CSGALNACT1: variants seen among roughly 807,000 people sequenced by gnomAD.
CSGALNACT1 encodes beta4GalNAcT-1.
In CSGALNACT1, 52 loss-of-function variants were observed where a neutral mutation model predicts 51.0. The observed-to-expected ratio is 1.02, with a 90% CI of 0.82 to 1.29. The LOEUF (loss-of-function observed/expected upper bound fraction) is 1.29. CSGALNACT1 is among the 50% of genes most tolerant of loss of function. The pLI, the probability that CSGALNACT1 is intolerant of heterozygous loss-of-function variation, is 0.00. For missense variants in CSGALNACT1, 935 were observed against 679.2 expected (o/e 1.38, Z -4.19); for synonymous variants, 341 against 254.4 (o/e 1.34, Z -3.24).
chr8:19,484,949 T>C (rs923379999), intron 4 of CSGALNACT1, among the ~76,000 whole-genome samples: 1 of 152,078 alleles, frequency 6.6e-6, no homozygotes, highest in Non-Finnish European at 1.5e-5. Flanking sequence ...GGGGTGGTCC[T>C]ATGCAAGCCA....
intron 5 of CSGALNACT1, among the ~76,000 whole-genome samples, chr8:19,456,663 C>T (rs1051127979): frequency 2.0e-5 from 3 of 152,174 alleles, no homozygotes; most frequent in African/African-American, 7.2e-5. Flanking sequence ...CACTTCAGGA[C>T]TGGAGCCAGA....
chr8:19,487,308 G>A (rs193006438), intron 4 of CSGALNACT1, among the ~76,000 whole-genome samples: 165 of 152,130 alleles, frequency 1.1e-3, no homozygotes, highest in African/African-American at 3.9e-3. Context: ...CAACAGCAGC[G>A]ATGGTGTCTG....
At chr8:19,741,364 A>ACCAGC (rs2064301812) in intron 1 of CSGALNACT1, among the ~76,000 whole-genome samples, 1 of 152,092 alleles carries the variant, frequency 6.6e-6, no homozygotes, top group Non-Finnish European at 1.5e-5. Context: ...GGAGTTTGAG[A>ACCAGC]CCAGCCCAGC....
At chr8:19,434,305 A>G (rs957655969) in intron 6 of CSGALNACT1, among the ~76,000 whole-genome samples, 1 of 152,092 alleles carries the variant, frequency 6.6e-6, no homozygotes, top group African/African-American at 2.4e-5. Context: ...CCACATTTTT[A>G]TTTGGAGAAA....
chr8:19,486,046 G>A (rs747073169), intron 4 of CSGALNACT1, among the ~76,000 whole-genome samples: 3 of 151,428 alleles, frequency 2.0e-5, no homozygotes, highest in Non-Finnish European at 2.9e-5. Flanking sequence ...GATTACAGGC[G>A]TGAGCCACCG....
At chr8:19,729,836 A>G (rs998636620) in intron 1 of CSGALNACT1, among the ~76,000 whole-genome samples, 3 of 152,148 alleles carry the variant, frequency 2.0e-5, no homozygotes, top group Non-Finnish European at 4.4e-5. Context: ...GTTAGAAGGA[A>G]GAGCTGAACG....
At chr8:19,745,449 A>C (rs2064592429) in intron 1 of CSGALNACT1, among the ~76,000 whole-genome samples, 2 of 152,214 alleles carry the variant, frequency 1.3e-5, no homozygotes, top group Non-Finnish European at 2.9e-5. Flanking sequence ...CCAATTTTTC[A>C]CTTGTGCCCC....
At chr8:19,467,374 GC>G (rs909753686) in intron 4 of CSGALNACT1, among the ~76,000 whole-genome samples, 10 of 151,802 alleles carry the variant, frequency 6.6e-5, no homozygotes, top group African/African-American at 2.4e-4. Flanking sequence ...ACCTACCTCG[GC>G]CCCCCAAAGT....
At chr8:19,548,129 AT>A (rs2086930251) in intron 3 of CSGALNACT1, among the ~76,000 whole-genome samples, 1 of 152,260 alleles carries the variant, frequency 6.6e-6, no homozygotes, top group African/African-American at 2.4e-5. Flanking sequence ...AATTTGGATT[AT>A]ATTTCAGCCA....
chr8:19,665,791 T>G (rs562790931), intron 1 of CSGALNACT1, among the ~76,000 whole-genome samples: 2 of 152,220 alleles, frequency 1.3e-5, no homozygotes, highest in African/African-American at 4.8e-5. Flanking sequence ...TAATTACACC[T>G]GGGATAATGA....
rs1465897837 is a variant in CSGALNACT1 at position 19,662,419 on chromosome 8, A to G, written c.-544+20054T>C. 1.1e-4 allele frequency among the ~76,000 whole-genome samples: 16 copies of G among 152,132 alleles called. No homozygotes were observed. In the East Asian group the frequency reaches 2.5e-3, roughly 24 times the overall value. ...AAAAATATCTGAAATCCAGCAACCA[A>G]AACAATTACAACAAGGTTTTATGTT... On this transcript the variant is annotated intron_variant, in intron 1 of 9. Coordinates refer to the CSGALNACT1 transcript ENST00000332246.
At chr8:19,756,760 A>C (rs949684257) in intron 1 of CSGALNACT1, among the ~76,000 whole-genome samples, 1 of 152,130 alleles carries the variant, frequency 6.6e-6, no homozygotes, top group Non-Finnish European at 1.5e-5. Flanking sequence ...CCCAGCCACA[A>C]TAATACAATA....
intron 1 of CSGALNACT1, among the ~76,000 whole-genome samples, chr8:19,742,870 C>A (rs548028761): frequency 1.3e-4 from 20 of 152,346 alleles, no homozygotes; most frequent in African/African-American, 4.8e-4. Context: ...AGCCTAGCTC[C>A]TGTTCCACTT....
intron 1 of CSGALNACT1, among the ~76,000 whole-genome samples, chr8:19,633,185 C>T (rs1423283608): frequency 6.6e-6 from 1 of 152,020 alleles, no homozygotes; most frequent in Non-Finnish European, 1.5e-5. Context: ...TTATCCCTGC[C>T]GAATTAAGAG....
chr8:19,636,109 G>A (rs552764798), intron 1 of CSGALNACT1, among the ~76,000 whole-genome samples: 10 of 152,162 alleles, frequency 6.6e-5, no homozygotes, highest in South Asian at 4.2e-4. Flanking sequence ...GCTTATCAGC[G>A]GTTCACTTTC....
Position 19,518,978 on chromosome 8 carries a change from G to C in CSGALNACT1, c.-296-12848C>G, listed in dbSNP as rs114652078. On this transcript the variant is annotated intron_variant, in intron 3 of 9. Transcript: ENST00000454498. Reference sequence around the variant, plus strand: ...TCTCCTTCCTGATAAAATGATCCTTGTACATTATGAGCAGGTAGAAGGGGG... The same window carrying C: ...TCTCCTTCCTGATAAAATGATCCTTCTACATTATGAGCAGGTAGAAGGGGG... 1.9e-3 allele frequency among the ~76,000 whole-genome samples: 282 copies of C among 152,292 alleles called. 1 individual carries two copies. The highest frequency in any genetic ancestry group is 6.6e-3 in the African/African-American group (275 of 41,552).
chr8:19,482,396 C>A (rs1340890288), intron 4 of CSGALNACT1, among the ~76,000 whole-genome samples: 1 of 152,150 alleles, frequency 6.6e-6, no homozygotes, highest in Non-Finnish European at 1.5e-5. Flanking sequence ...CTTTTCTTGT[C>A]CCACGGCAAC....
chr8:19,686,163 G>C (rs1444014932), upstream of CSGALNACT1, among the ~76,000 whole-genome samples: 1 of 152,110 alleles, frequency 6.6e-6, no homozygotes, highest in African/African-American at 2.4e-5. Flanking sequence ...TTGCTCTCCA[G>C]CCAGCGGACT....
rs147261271 is a variant in CSGALNACT1 at position 19,691,654 on chromosome 8, G to A, written c.-297+66196C>T. 4.6e-5 allele frequency among the ~76,000 whole-genome samples: 7 copies of A among 152,246 alleles called. No individual in the cohort carries two copies. The East Asian group carries it at 1.4e-3, about 29-fold the overall frequency. On this transcript the variant is annotated intron_variant, in intron 1 of 1. Coordinates refer to the CSGALNACT1 transcript ENST00000517494. ...GACATCGACAGCTGACCCAAGCCAT[G>A]ACATTCCATGCCTGCTTCCTAGCCT...
Sources: gnomAD v4.1 joint callset for allele counts (sites outside exome capture counted in the v4.1 genomes callset) on GRCh38, gnomAD v4.1.1 for gene constraint, MANE v1.5 for transcripts, NCBI Gene and HGNC (gene_info 2026-07-23, HGNC 2026-07-21) for gene names.